Variants in LGALS8 observed in about 807,000 individuals in gnomAD.
LGALS8 encodes galectin 8.
LGALS8 carries 30 observed loss-of-function variants against 35.9 expected under a neutral mutation model. That is an observed-to-expected ratio of 0.83 (90% CI 0.62 to 1.13). The LOEUF (loss-of-function observed/expected upper bound fraction) is 1.13. Among genes scored for constraint, LGALS8 ranks in the 50% most tolerant of loss-of-function variants. LGALS8 has a pLI of 0.00. For missense variants in LGALS8, 366 were observed against 388.7 expected, an observed-to-expected ratio of 0.94 and a Z score of 0.49; for synonymous variants, 138 against 136.1, an observed-to-expected ratio of 1.01 and a Z score of -0.10.
intron 3 of LGALS8, among the ~76,000 whole-genome samples, chr1:236,537,902 A>C (rs1469728333): frequency 1.3e-5 from 2 of 148,240 alleles, no homozygotes; most frequent in Non-Finnish European, 3.0e-5. Context: ...GTTTGAGACC[A>C]GCCTGGGCAA....
chr1:236,527,995 A>C (rs1312874613), intron 2 of LGALS8, among the ~76,000 whole-genome samples: 16 of 152,124 alleles, frequency 1.1e-4, no homozygotes, highest in Admixed American at 1.0e-3. Context: ...CTTGACCTCC[A>C]AAAGTGCTGG....
In LGALS8 at chr1:236,539,588, A is replaced by G. The variant is rs145987093; in HGVS notation, c.345+499A>G. Among the ~76,000 whole-genome samples the G allele has an allele frequency of 4.7e-3, 671 of 143,054 alleles. 11 individuals are homozygous for G. The highest frequency in any genetic ancestry group is 0.016 in the African/African-American group (632 of 39,350). 93.8% of individuals were successfully genotyped at this position (143,054 alleles called of 152,430 possible). A position where few individuals can be genotyped will look rare whatever the true frequency, so the allele number is the denominator to read the frequency against. ...TGGCTTCATGGAGTGTCTTGTACCT[A>G]GCGTGTATGTGTACGGTTGAATTTG... is the stretch of plus-strand genomic sequence containing the variant. On this transcript the variant is annotated intron_variant, in intron 4 of 9. Transcript: ENST00000366584.
At chr1:236,531,168 T>C (rs999730789) in intron 2 of LGALS8, among the ~76,000 whole-genome samples, 8 of 152,214 alleles carry the variant, frequency 5.3e-5, no homozygotes, top group African/African-American at 1.9e-4. Flanking sequence ...TGTGAAGGGC[T>C]GTGTCTTTTT....
chr1:236,541,854 T>C (rs1041614991), intron 6 of LGALS8, 144 bp downstream of exon 6: 52 of 554,012 alleles, frequency 9.4e-5, no homozygotes, highest in Non-Finnish European at 9.6e-6. Context: ...TACATACTTG[T>C]GGTGCCAGGC....
At chr1:236,547,763 G>A (rs1037986002) in intron 9 of LGALS8, among the ~76,000 whole-genome samples, 2 of 152,200 alleles carry the variant, frequency 1.3e-5, no homozygotes, top group Admixed American at 6.5e-5. Flanking sequence ...GAGGGCCGCA[G>A]GCCCTGGGGA....
chr1:236,547,989 T>C (rs1356700626), intron 9 of LGALS8, 23 bp from the exon 10 acceptor site: 5 of 1,598,314 alleles, frequency 3.1e-6, no homozygotes, highest in Non-Finnish European at 4.3e-6. Context: ...GAACCACTAA[T>C]GGCATGTATC....
At position 236,524,325 on chromosome 1, in the gene LGALS8, C is replaced by T. The variant is rs191637801; in HGVS notation, c.-104+264C>T. ...GGAGTCGCGGCCTTTCTTGGACATC[C>T]CTGGCTGGGGTCAGGCTGTTTGCCC... On this transcript the variant is annotated intron_variant, in intron 1 of 9. Coordinates refer to ENST00000366584, the MANE Select transcript of LGALS8 (RefSeq NM_201544.4). 5.3e-5 allele frequency: 24 copies of T among 456,224 alleles called. No individual in the cohort carries two copies. The East Asian group carries it at 5.6e-4, about 11-fold the overall frequency. 28.3% of individuals were successfully genotyped at this position (456,224 alleles called of 1,614,324 possible).
chr1:236,543,473 A>T, intron 7 of LGALS8, 87 bp from the exon 8 acceptor site: 2 of 1,003,120 alleles, frequency 2.0e-6, no homozygotes, highest in Non-Finnish European at 3.2e-6. Flanking sequence ...ATGGCTCTGA[A>T]ACATTCCGTA....
At chr1:236,532,805 T>C (rs1661223356) in intron 2 of LGALS8, among the ~76,000 whole-genome samples, 1 of 152,108 alleles carries the variant, frequency 6.6e-6, no homozygotes, top group South Asian at 2.1e-4. Flanking sequence ...GATCACGCCA[T>C]TGCACTCCAG....
At chr1:236,519,889 AT>A (rs985248660), upstream of LGALS8, among the ~76,000 whole-genome samples, 182 of 150,770 alleles carry the variant, frequency 1.2e-3, no homozygotes, top group African/African-American at 4.1e-3. Flanking sequence ...TATAAGCAGC[AT>A]TTTTTTAAAA....
chr1:236,534,913 T>C (rs1661374882), intron 2 of LGALS8, among the ~76,000 whole-genome samples: 1 of 151,826 alleles, frequency 6.6e-6, no homozygotes. Flanking sequence ...TACAAAAAAT[T>C]AGCTGGGCAT....
chr1:236,537,021 CT>C (rs60024224), intron 2 of LGALS8, among the ~76,000 whole-genome samples: 17,850 of 138,098 alleles, frequency 0.13, 1,714 homozygotes, highest in African/African-American at 0.24. Context: ...TATGCAGTTC[CT>C]TTTTTTTTTT....
In LGALS8 at chr1:236,550,805, T is replaced by C. The variant is rs1306841759; in HGVS notation, c.*2644T>C. The C allele has an allele frequency of 1.1e-6, 1 of 880,386 alleles. No individual in the cohort carries two copies. Among genetic ancestry groups the C allele is most frequent in the African/African-American group, 1.7e-5 (1 of 59,230 alleles). The allele number at this position is 880,386 out of a possible 1,614,324, so 54.5% of individuals were successfully genotyped here. ...TTGTAAGTAATCCAAGTAGGTGTAT[T>C]AAGGCACCAAAAGTAACATGGCACC... On this transcript the variant is annotated 3_prime_UTR_variant, in exon 10 of 10. Transcript: ENST00000366584.
intron 4 of LGALS8, 24 bp from the exon 5 acceptor site, chr1:236,540,540 G>C: frequency 6.7e-7 from 1 of 1,503,440 alleles, no homozygotes; most frequent in African/African-American, 1.4e-5. Flanking sequence ...GGCGGGGGGG[G>C]CTCTGTCTTC....
chr1:236,542,707 A>T lies in LGALS8; in HGVS notation c.523-54A>T. 2.5e-6 allele frequency: 4 copies of T among 1,586,884 alleles called. No homozygotes were observed. In the South Asian group the frequency reaches 4.4e-5, roughly 18 times the overall value. ...CAGCACAACCAAGACTTCAGATTAT[A>T]AACTATAATTCTTCCCCTTCTAACA... On this transcript the variant is annotated intron_variant, in intron 6 of 9. Coordinates refer to ENST00000366584, the MANE Select transcript of LGALS8 (RefSeq NM_201544.4).
At position 236,526,252 on chromosome 1, in the gene LGALS8, G is replaced by A. The variant is rs1276457925; in HGVS notation, c.45+137G>A. 2 of 582,298 alleles carry A rather than the reference G, an allele frequency of 3.4e-6. No homozygotes were observed. The highest frequency in any genetic ancestry group is 3.0e-6 in the Non-Finnish European group (1 of 332,350). The allele number at this position is 582,298 out of a possible 1,614,324, so 36.1% of individuals were successfully genotyped here. A position where few individuals can be genotyped will look rare whatever the true frequency, so the allele number is the denominator to read the frequency against. On this transcript the variant is annotated intron_variant, in intron 2 of 9. Transcript: ENST00000366584. The surrounding 1 kb of genome is among the most constrained non-coding windows in gnomAD (Gnocchi z 4.6). ...GCACCTACTATGTAATAGAGATGGT[G>A]GTGGGTGCTGATTACAAAACAGCTC...
rs748823202 is a variant in LGALS8, at chr1:236,537,500, A to G, written c.49A>G (p.Ile17Val). 9.5e-6 allele frequency: 15 copies of G among 1,581,234 alleles called. No homozygotes were observed. Among genetic ancestry groups the G allele is most frequent in the Non-Finnish European group, 1.3e-5 (15 of 1,149,452 alleles). Reference sequence around the variant, plus strand: ...TTTGTTAAATTTTTTTTCTTAGGTAATCCCGTTTGTTGGCACCATTCCTGA... The same window carrying G: ...TTTGTTAAATTTTTTTTCTTAGGTAGTCCCGTTTGTTGGCACCATTCCTGA... ...NLQNIIYNPV[I>V]PFVGTIPDQL... The change falls in exon 3 of 10, where the codon ATC becomes GTC. Residue 17 changes from isoleucine to valine, a missense_variant. By Grantham distance (29) the Ile-to-Val change is conservative. Coordinates refer to ENST00000366584, the MANE Select transcript of LGALS8 (RefSeq NM_201544.4).
chr1:236,524,743 A>G (rs1374708638), intron 1 of LGALS8: 1 of 239,456 alleles, frequency 4.2e-6, no homozygotes, highest in Non-Finnish European at 8.6e-6. Flanking sequence ...ATACATGTGT[A>G]TGGCAACTCG....
chr1:236,524,234 G>A, intron 1 of LGALS8, 173 bp downstream of exon 1: 1 of 456,224 alleles, frequency 2.2e-6, no homozygotes. Context: ...CCGCGGCAGA[G>A]CCGGGGCTGG....
Sources: allele counts gnomAD v4.1 joint callset (sites outside exome capture counted in the v4.1 genomes callset), GRCh38; gene constraint gnomAD v4.1.1; non-coding constraint Gnocchi (gnomAD v3.1); transcripts MANE v1.5; gene names NCBI Gene and HGNC (gene_info 2026-07-23, HGNC 2026-07-21).